Variants in FGF10 observed in about 807,000 individuals in gnomAD.
FGF10 encodes FGF-10.
In FGF10, 2 loss-of-function variants were observed where a neutral mutation model predicts 19.8. That is an observed-to-expected ratio of 0.10 (90% CI 0.04 to 0.32). The LOEUF (loss-of-function observed/expected upper bound fraction) is 0.32, where lower values mean the gene tolerates loss of function less well. Among genes scored for constraint, FGF10 ranks in the 10% least tolerant of loss-of-function variants. FGF10 has a pLI of 1.00. For synonymous variants in FGF10, 112 were observed against 94.0 expected (o/e 1.19, Z -1.10); for missense variants, 191 against 246.3 (o/e 0.78, Z 1.50).
intron 1 of FGF10, among the ~76,000 whole-genome samples, chr5:44,380,747 G>A (rs539617646): frequency 3.2e-4 from 48 of 152,290 alleles, no homozygotes; most frequent in Non-Finnish European, 3.2e-4. Flanking sequence ...TTGGGTGGCC[G>A]AGGCTGGAGG....
chr5:44,379,837 T>C (rs1011697577), intron 1 of FGF10, among the ~76,000 whole-genome samples: 6 of 152,204 alleles, frequency 3.9e-5, no homozygotes, highest in African/African-American at 1.4e-4. Context: ...TCCTCCTCCT[T>C]TCACAGTATG....
intron 1 of FGF10, among the ~76,000 whole-genome samples, chr5:44,331,975 T>C (rs1740744599): frequency 6.6e-6 from 1 of 151,618 alleles, no homozygotes; most frequent in Non-Finnish European, 1.5e-5. Flanking sequence ...TATAAATAAC[T>C]TGAAGGGAAA....
intron 1 of FGF10, among the ~76,000 whole-genome samples, chr5:44,357,422 A>G (rs1741374652): frequency 6.6e-6 from 1 of 151,520 alleles, no homozygotes. Context: ...CTAATAATGA[A>G]CTTTCTATCA....
At chr5:44,345,509 C>T (rs1475226845) in intron 1 of FGF10, among the ~76,000 whole-genome samples, 1 of 151,496 alleles carries the variant, frequency 6.6e-6, no homozygotes, top group African/African-American at 2.4e-5. Context: ...GATCTCTTCA[C>T]AAAAACAACC....
intron 1 of FGF10, among the ~76,000 whole-genome samples, chr5:44,327,070 C>T (rs1194473674): frequency 1.3e-5 from 2 of 152,142 alleles, no homozygotes; most frequent in East Asian, 3.9e-4. Flanking sequence ...CAGCACTCCC[C>T]ACCCACTGCC....
intron 1 of FGF10, among the ~76,000 whole-genome samples, chr5:44,332,408 C>A (rs1386214439): frequency 6.6e-6 from 1 of 152,124 alleles, no homozygotes; most frequent in Non-Finnish European, 1.5e-5. Context: ...TCATTAATCT[C>A]ACATGTTGAA....
rs1386737797 is a variant in FGF10 at position 44,300,974 on chromosome 5, A to G, written c.*4021T>C. Among the ~76,000 whole-genome samples the G allele has an allele frequency of 6.6e-6, 1 of 152,116 alleles. No individual in the cohort carries two copies. The highest frequency in any genetic ancestry group is 1.9e-4 in the East Asian group (1 of 5,174). ...GTAGGAAAGAAGTAGACTAGAAGCA[A>G]TCTGGCCTAACCAAATAAAACCAAT... On this transcript the variant is annotated 3_prime_UTR_variant, in exon 3 of 3. Transcript: ENST00000264664.
At chr5:44,370,028 C>T (rs952768737) in intron 1 of FGF10, among the ~76,000 whole-genome samples, 5 of 152,106 alleles carry the variant, frequency 3.3e-5, no homozygotes, top group African/African-American at 4.8e-5. Context: ...CCCCCCTCCT[C>T]CACCGCCAAC....
intron 1 of FGF10, among the ~76,000 whole-genome samples, chr5:44,366,648 C>G (rs1290471083): frequency 6.6e-6 from 1 of 151,994 alleles, no homozygotes; most frequent in Non-Finnish European, 1.5e-5. Context: ...TTGTGAATAT[C>G]AATTTGCCTT....
In FGF10 at chr5:44,317,106, A is replaced by G. The variant is rs111506312; in HGVS notation, c.326-6576T>C. ...ATCTCATTGCCATTAAAAGGAGGGTACTAGACTGGGCTAATCAGTAATCTA... is the reference window on the plus strand; with the variant it reads ...ATCTCATTGCCATTAAAAGGAGGGTGCTAGACTGGGCTAATCAGTAATCTA... On this transcript the variant is annotated intron_variant, in intron 1 of 2. Transcript: ENST00000264664. Among the ~76,000 whole-genome samples the G allele has an allele frequency of 8.0e-3, 1,217 of 152,292 alleles. 16 individuals are homozygous for G. Among genetic ancestry groups the G allele is most frequent in the South Asian group, 0.07 (337 of 4,830 alleles).
At chr5:44,322,712 T>G (rs1185878612) in intron 1 of FGF10, among the ~76,000 whole-genome samples, 1 of 151,924 alleles carries the variant, frequency 6.6e-6, no homozygotes, top group Admixed American at 6.6e-5. Flanking sequence ...ACATTCTATC[T>G]TTGTGAAGCA....
intron 1 of FGF10, among the ~76,000 whole-genome samples, chr5:44,314,078 A>G (rs188431164): frequency 6.6e-6 from 1 of 152,232 alleles, no homozygotes; most frequent in African/African-American, 2.4e-5. Flanking sequence ...GTTGGAGATG[A>G]GACCTGAACT....
At chr5:44,383,400 T>A (rs1742027346) in intron 1 of FGF10, among the ~76,000 whole-genome samples, 1 of 152,128 alleles carries the variant, frequency 6.6e-6, no homozygotes, top group South Asian at 2.1e-4. Flanking sequence ...CTTCTTTTTC[T>A]TTTGTTAAAA....
chr5:44,350,147 C>T (rs1424204681), intron 1 of FGF10, among the ~76,000 whole-genome samples: 1 of 150,636 alleles, frequency 6.6e-6, no homozygotes, highest in Non-Finnish European at 1.5e-5. Context: ...AATATTTTAA[C>T]TATTGATATG....
At chr5:44,332,488 G>A (rs1740757534) in intron 1 of FGF10, among the ~76,000 whole-genome samples, 1 of 152,060 alleles carries the variant, frequency 6.6e-6, no homozygotes, top group African/African-American at 2.4e-5. Context: ...TATCCATTTG[G>A]CAACTGAGAG....
chr5:44,348,071 A>C (rs977424087), intron 1 of FGF10, among the ~76,000 whole-genome samples: 1 of 151,648 alleles, frequency 6.6e-6, no homozygotes, highest in South Asian at 2.1e-4. Flanking sequence ...AATGTTTGAC[A>C]ATATGTGGAT....
At chr5:44,339,981 A>T (rs1740933054) in intron 1 of FGF10, among the ~76,000 whole-genome samples, 1 of 152,164 alleles carries the variant, frequency 6.6e-6, no homozygotes, top group African/African-American at 2.4e-5. Context: ...TAAGAAATCA[A>T]GATAATCAAG....
rs1229186374 is a variant in FGF10 at position 44,302,324 on chromosome 5, TTCC to T, written c.*2668_*2670del. Among the ~76,000 whole-genome samples the T allele has an allele frequency of 6.9e-6, 1 of 145,022 alleles. No individual in the cohort carries two copies. Among genetic ancestry groups the T allele is most frequent in the East Asian group, 2.0e-4 (1 of 4,974 alleles). The stretch of plus-strand genomic sequence containing the variant: ...CTTCCTTCCTTCCTTCCTTCCTTCC[TTCC>T]TTCCTGTCTTTCTGTCTTTTCTCTC... On this transcript the variant is annotated 3_prime_UTR_variant, in exon 3 of 3. Coordinates refer to ENST00000264664, the MANE Select transcript of FGF10 (RefSeq NM_004465.2).
intron 1 of FGF10, among the ~76,000 whole-genome samples, chr5:44,386,640 GTCA>G (rs1742103885): frequency 6.6e-6 from 1 of 152,082 alleles, no homozygotes; most frequent in Admixed American, 6.6e-5. Context: ...AAAAATAATT[GTCA>G]TCATTATGAC....
Sources: gnomAD v4.1 joint callset for allele counts (sites outside exome capture counted in the v4.1 genomes callset) on GRCh38, gnomAD v4.1.1 for gene constraint, MANE v1.5 for transcripts, NCBI Gene and HGNC (gene_info 2026-07-23, HGNC 2026-07-21) for gene names.